DIAPH2: variants seen among roughly 807,000 people sequenced by gnomAD.
The protein encoded by DIAPH2 is protein diaphanous homolog 2.
Under a neutral mutation model 92.7 loss-of-function variants are expected in DIAPH2, and 35 were observed. The observed-to-expected ratio is 0.38, with a 90% CI of 0.29 to 0.50. The LOEUF (loss-of-function observed/expected upper bound fraction) is 0.50, where lower values mean the gene tolerates loss of function less well. Among genes scored for constraint, DIAPH2 ranks in the 20% least tolerant of loss-of-function variants. DIAPH2 has a pLI of 0.94. For missense variants in DIAPH2, 701 were observed against 819.5 expected (o/e 0.86, Z 1.77); for synonymous variants, 301 against 280.4 (o/e 1.07, Z -0.73).
intron 1 of DIAPH2, among the ~76,000 whole-genome samples, chrX:96,726,224 G>C (rs1397555127): frequency 9.7e-6 from 1 of 102,762 alleles, no homozygotes; most frequent in African/African-American, 3.5e-5. Flanking sequence ...TTCTCTCTCT[G>C]TCGCTCTCTT....
In DIAPH2 at chrX:97,600,131, G is replaced by A. The variant is rs2147891122; in HGVS notation, c.*814G>A. On this transcript the variant is annotated 3_prime_UTR_variant, in exon 27 of 27. Coordinates refer to ENST00000324765, the MANE Select transcript of DIAPH2 (RefSeq NM_006729.5). ...TTTGAGAAAACCCTCACATTTTAAT[G>A]TTTATGCTAGGGATGAACCTGAAAA... 1 of 112,041 alleles carries A rather than the reference G, an allele frequency of 8.9e-6. No homozygotes were observed. Among genetic ancestry groups the A allele is most frequent in the East Asian group, 2.8e-4 (1 of 3,590 alleles). The allele number at this position is 112,041 out of a possible 1,213,427, so 9.2% of individuals were successfully genotyped here. A position where few individuals can be genotyped will look rare whatever the true frequency, so the allele number is the denominator to read the frequency against.
intron 26 of DIAPH2, among the ~76,000 whole-genome samples, chrX:97,498,227 C>T (rs757999960): frequency 1.8e-5 from 2 of 112,229 alleles, no homozygotes; most frequent in South Asian, 7.4e-4. Flanking sequence ...ATTTCCTTAA[C>T]AATGAATGAA....
In DIAPH2 at chrX:97,348,202, A is replaced by T; in HGVS notation, c.2931A>T (p.Glu977Asp). ...TGAAGCTCTATGAGAATCTTGGAGAATACTTCATTTTTGACTCAAAGACAG... is the reference window on the plus strand; with the variant it reads ...TGAAGCTCTATGAGAATCTTGGAGATTACTTCATTTTTGACTCAAAGACAG... ...NMMKLYENLG[E>D]YFIFDSKTVS... The change falls in exon 24 of 27, where the codon GAA becomes GAT. Residue 977 changes from glutamate (E) to aspartate (D), a missense_variant. By Grantham distance (45) the Glu-to-Asp change is conservative. Around this residue, in one of 3 missense-constraint regions of DIAPH2, gnomAD observed 536 missense variants for 599.3 expected, o/e 0.89. Coordinates refer to ENST00000324765, the MANE Select transcript of DIAPH2 (RefSeq NM_006729.5). The T allele has an allele frequency of 6.6e-6, 8 of 1,210,632 alleles. No homozygotes were observed. The highest frequency in any genetic ancestry group is 7.8e-6 in the Non-Finnish European group (7 of 894,541).
intron 26 of DIAPH2, among the ~76,000 whole-genome samples, chrX:97,583,892 C>G (rs1446410098): frequency 9.0e-6 from 1 of 111,730 alleles, no homozygotes; most frequent in Non-Finnish European, 1.9e-5. Flanking sequence ...ATTTTTTAAG[C>G]CCTTCGGAAA....
At chrX:96,890,092 G>T (rs1303155433) in intron 5 of DIAPH2, among the ~76,000 whole-genome samples, 1 of 111,859 alleles carries the variant, frequency 8.9e-6, no homozygotes, top group Non-Finnish European at 1.9e-5. Context: ...CAGGCAGAAG[G>T]TGCCACTGGC....
intron 20 of DIAPH2, among the ~76,000 whole-genome samples, chrX:97,107,455 A>G (rs2066949757): frequency 8.9e-6 from 1 of 111,941 alleles, no homozygotes; most frequent in Admixed American, 9.5e-5. Context: ...TTTGCTACAG[A>G]AAGTATTAGA....
chrX:96,958,166 G>GT lies in DIAPH2; in HGVS notation c.1935+25dup, dbSNP rs772849369. On this transcript the variant is annotated intron_variant, in intron 16 of 26. Coordinates refer to ENST00000324765, the MANE Select transcript of DIAPH2 (RefSeq NM_006729.5). ...GGTCAAAGGTAATACTAAAACTAGA[G>GT]TTTTTTTACTTTGTCTAGCTTTTGT... 4.0e-5 allele frequency: 48 copies of GT among 1,193,599 alleles called. No homozygotes were observed. The highest frequency in any genetic ancestry group is 2.3e-4 in the Middle Eastern group (1 of 4,297).
At chrX:97,145,737 A>T (rs939728886) in intron 22 of DIAPH2, among the ~76,000 whole-genome samples, 2 of 110,541 alleles carry the variant, frequency 1.8e-5, no homozygotes, top group Non-Finnish European at 3.8e-5. Flanking sequence ...TTCTTTCCCT[A>T]TGAAATTCAG....
At chrX:97,054,896 G>A (rs1218277655) in intron 17 of DIAPH2, among the ~76,000 whole-genome samples, 2 of 110,877 alleles carry the variant, frequency 1.8e-5, no homozygotes, top group Non-Finnish European at 3.8e-5. Flanking sequence ...AACAAAAATC[G>A]GAGTGACTAC....
chrX:97,501,602 C>T lies in DIAPH2; in HGVS notation c.3241+71857C>T, dbSNP rs1191595146. On this transcript the variant is annotated intron_variant, in intron 26 of 26. Transcript: ENST00000324765. ...AAAATGTTGCTTTATATTAAAAGAT[C>T]GTAATTTATTTCCATGAATCAAATT... 2.7e-5 allele frequency among the ~76,000 whole-genome samples: 3 copies of T among 110,563 alleles called. No homozygotes were observed. The East Asian group carries it at 8.5e-4, about 31-fold the overall frequency.
chrX:97,594,694 G>T (rs765667004), intron 26 of DIAPH2, among the ~76,000 whole-genome samples: 1 of 112,465 alleles, frequency 8.9e-6, no homozygotes, highest in Admixed American at 9.4e-5. Flanking sequence ...ATTACAGAGG[G>T]TTTCTTTTAC....
intron 17 of DIAPH2, 83 bp from the exon 18 acceptor site, chrX:97,072,858 G>A: frequency 3.9e-6 from 2 of 513,361 alleles, no homozygotes; most frequent in Non-Finnish European, 6.2e-6. Flanking sequence ...CTTTATTAAT[G>A]TAGTTAATAT....
chrX:97,197,561 A>G (rs934540252), intron 22 of DIAPH2, among the ~76,000 whole-genome samples: 3 of 112,240 alleles, frequency 2.7e-5, no homozygotes, highest in Non-Finnish European at 5.6e-5. Context: ...TCACATATGT[A>G]AGAAATTTAG....
intron 26 of DIAPH2, among the ~76,000 whole-genome samples, chrX:97,516,874 G>T (rs2070952985): frequency 8.9e-6 from 1 of 111,901 alleles, no homozygotes. Context: ...CACTGTATCT[G>T]GCCTGTTTTT....
At chrX:97,448,553 C>T (rs1030756987) in intron 26 of DIAPH2, among the ~76,000 whole-genome samples, 3 of 111,841 alleles carry the variant, frequency 2.7e-5, no homozygotes, top group Non-Finnish European at 5.6e-5. Context: ...TGGAAAAGCA[C>T]CCCAAAGCAG....
At chrX:97,287,708 T>C (rs2068554190) in intron 23 of DIAPH2, among the ~76,000 whole-genome samples, 1 of 101,256 alleles carries the variant, frequency 9.9e-6, no homozygotes, top group African/African-American at 3.7e-5. Flanking sequence ...AAAGAAGTTT[T>C]AAAAGTCAAT....
chrX:97,439,008 A>G lies in DIAPH2; in HGVS notation c.3241+9263A>G, dbSNP rs140349132. 6.9e-3 allele frequency among the ~76,000 whole-genome samples: 773 copies of G among 112,209 alleles called. 4 individuals carry two copies. The highest frequency in any genetic ancestry group is 0.023 in the African/African-American group (725 of 30,871). On this transcript the variant is annotated intron_variant, in intron 26 of 26. Transcript: ENST00000324765. ...ATGTAATTCATAGCCTCCAATGTAG[A>G]GTTTTACTCTCATAAGTTAAAATGA... is the stretch of plus-strand genomic sequence containing the variant.
At chrX:96,698,596 A>G (rs1267407266) in intron 1 of DIAPH2, among the ~76,000 whole-genome samples, 1 of 111,159 alleles carries the variant, frequency 9.0e-6, no homozygotes, top group Non-Finnish European at 1.9e-5. Flanking sequence ...CCTTAGTTTG[A>G]TCCATCATCC....
chrX:97,239,890 CGCACACGCACAT>C (rs2068079315), intron 22 of DIAPH2, among the ~76,000 whole-genome samples: 1 of 109,140 alleles, frequency 9.2e-6, no homozygotes, highest in South Asian at 4.1e-4. Context: ...CACACACACA[CGCACACGCACAT>C]GCACCCCCTA....
Sources: allele counts gnomAD v4.1 joint callset (sites outside exome capture counted in the v4.1 genomes callset), GRCh38; gene constraint gnomAD v4.1.1; regional missense constraint gnomAD v4.1.1; transcripts MANE v1.5; gene names NCBI Gene and HGNC (gene_info 2026-07-23, HGNC 2026-07-21).